Variants in SERAC1 observed in about 807,000 individuals in gnomAD.
SERAC1 encodes the protein protein SERAC1.
A neutral mutation model predicts 85.7 loss-of-function variants in SERAC1; 36 were observed. That is an observed-to-expected ratio of 0.42 (90% CI 0.32 to 0.55). SERAC1 has a LOEUF of 0.55. Ranked by LOEUF, SERAC1 falls within the 20% of genes least tolerant of loss-of-function variation. The probability of loss-of-function intolerance (pLI) is 0.11; values close to 1 mark genes in which losing one functional copy is unlikely to be tolerated. For missense variants in SERAC1, 629 were observed against 796.2 expected (o/e 0.79, Z 2.53); for synonymous variants, 242 against 265.3 (o/e 0.91, Z 0.85).
intron 12 of SERAC1, among the ~76,000 whole-genome samples, chr6:158,118,618 CAAA>C (rs576637812): frequency 2.0e-4 from 18 of 90,386 alleles, no homozygotes; most frequent in Admixed American, 6.7e-4. Flanking sequence ...ACCCTCATCT[CAAA>C]AAAAAAAAAA....
rs766189103 is a variant in SERAC1 at position 158,143,202 on chromosome 6, G to A, written c.610-18C>T. On this transcript the variant is annotated intron_variant, in intron 7 of 16. Transcript: ENST00000647468. ...GAAGAATCCTGAAATAAAAGGAAAG[G>A]AAATTCTTCATAAATACTCAACAAC... 2 of 1,601,660 alleles carry A rather than the reference G, an allele frequency of 1.2e-6. No homozygotes were observed. Among genetic ancestry groups the A allele is most frequent in the East Asian group, 4.5e-5 (2 of 44,318 alleles).
chr6:158,120,926 A>G lies in SERAC1; in HGVS notation c.1016-351T>C, dbSNP rs999060363. On this transcript the variant is annotated intron_variant, in intron 10 of 16. Coordinates refer to ENST00000647468, the MANE Select transcript of SERAC1 (RefSeq NM_032861.4). This position sits in a 1 kb window ranked among gnomAD's most constrained non-coding sequence, Gnocchi z 4.4. ...CCATGATGTTTTGCTTTTAACAAGA[A>G]TTATGAAACTCAGTGGGTTAATACT... is the stretch of plus-strand genomic sequence containing the variant. Among the ~76,000 whole-genome samples, 4 of 152,236 alleles carry G rather than the reference A, an allele frequency of 2.6e-5. No individual in the cohort carries two copies. The highest frequency in any genetic ancestry group is 9.6e-5 in the African/African-American group (4 of 41,458).
At chr6:158,113,803 AGGGTTTATCACATTACT>A (rs1239638971) in intron 15 of SERAC1, among the ~76,000 whole-genome samples, 1 of 152,160 alleles carries the variant, frequency 6.6e-6, no homozygotes, top group African/African-American at 2.4e-5. Context: ...GCAGCAGGAG[AGGGTTTATCACATTACT>A]GGGGGCAGGA....
At chr6:158,156,962 ATTAATATATTTATAT>A (rs1785365099) in intron 2 of SERAC1, among the ~76,000 whole-genome samples, 1 of 124,446 alleles carries the variant, frequency 8.0e-6, no homozygotes, top group Non-Finnish European at 1.8e-5. Context: ...TTATATAAAT[ATTAATATATTTATAT>A]ATAATAAATA....
chr6:158,130,449 T>A lies in SERAC1; in HGVS notation c.776A>T (p.Tyr259Phe). 6.2e-7 allele frequency: 1 copy of A among 1,604,370 alleles called. No individual in the cohort carries two copies. The change falls in exon 9 of 17, where the codon TAT becomes TTT. Residue 259 changes from tyrosine to phenylalanine, a missense_variant. Transcript: ENST00000647468. ...LWCFGGNGLPYAESFGEVPSA... is the reference protein window; with the variant it reads ...LWCFGGNGLPFAESFGEVPSA... ...AGGAACTTCTCCAAAACTTTCAGCATAAGGAAGTCCATTTCCTCCAAAACA... is the reference window on the plus strand; with the variant it reads ...AGGAACTTCTCCAAAACTTTCAGCAAAAGGAAGTCCATTTCCTCCAAAACA...
chr6:158,133,061 CTTT>C (rs1784713274), intron 8 of SERAC1, among the ~76,000 whole-genome samples: 1 of 152,124 alleles, frequency 6.6e-6, no homozygotes, highest in South Asian at 2.1e-4. Flanking sequence ...AATCCCAACA[CTTT>C]GGGAGGCTGA....
At chr6:158,162,548 GA>G (rs1426528531) in intron 1 of SERAC1, among the ~76,000 whole-genome samples, 1 of 151,972 alleles carries the variant, frequency 6.6e-6, no homozygotes, top group African/African-American at 2.4e-5. Context: ...TTACCACTTT[GA>G]CCCCCATTCA....
At chr6:158,143,875 G>C (rs1360866488) in intron 7 of SERAC1, among the ~76,000 whole-genome samples, 1 of 151,908 alleles carries the variant, frequency 6.6e-6, no homozygotes, top group Non-Finnish European at 1.5e-5. Flanking sequence ...ACAACTAGGG[G>C]GTGCTACTAG....
Position 158,117,836 on chromosome 6 carries a change from A to C in SERAC1, c.1309-15T>G. 1.9e-6 allele frequency: 3 copies of C among 1,597,648 alleles called. No homozygotes were observed. On this transcript the variant is annotated splice_polypyrimidine_tract_variant and intron_variant, in intron 12 of 16. Transcript: ENST00000647468. The surrounding 1 kb of genome is among the most constrained non-coding windows in gnomAD (Gnocchi z 4.3). ...GCTAACCATGTCTAAGTAAAATAAA[A>C]CATATGTGAGAACAAGTATGAATCT...
rs142977201 is a variant in SERAC1, at chr6:158,117,405, GAC to G, written c.1403+320_1403+321del. On this transcript the variant is annotated intron_variant, in intron 13 of 16. Coordinates refer to ENST00000647468, the MANE Select transcript of SERAC1 (RefSeq NM_032861.4). This position sits in a 1 kb window ranked among gnomAD's most constrained non-coding sequence, Gnocchi z 4.3. ...GCTTCCTTTAGCCAGTATGATTGTG[GAC>G]ACAAGAACAAAAAAACATCACTTTT... The G allele has an allele frequency of 4.0e-6, 4 of 998,100 alleles. No individual in the cohort carries two copies. Among genetic ancestry groups the G allele is most frequent in the Admixed American group, 2.9e-5 (1 of 34,176 alleles). 61.8% of individuals were successfully genotyped at this position (998,100 alleles called of 1,614,324 possible). A position where few individuals can be genotyped will look rare whatever the true frequency, so the allele number is the denominator to read the frequency against.
At chr6:158,147,768 C>CAAAAAAAAAAA (rs71027383) in intron 5 of SERAC1, among the ~76,000 whole-genome samples, 4 of 68,932 alleles carry the variant, frequency 5.8e-5, no homozygotes, top group African/African-American at 2.8e-4. Context: ...GGCTCTGTCT[C>CAAAAAAAAAAA]AAAAAAAAAA....
In SERAC1 at chr6:158,118,287, T is replaced by C. The variant is rs138574674; in HGVS notation, c.1309-466A>G. On this transcript the variant is annotated intron_variant, in intron 12 of 16. Coordinates refer to ENST00000647468, the MANE Select transcript of SERAC1 (RefSeq NM_032861.4). ...AGTGCCACCAGAAAGTGCAAATCAT[T>C]CTTCTACTTGATAAGCCTTTGTGAA... is the stretch of plus-strand genomic sequence containing the variant. Among the ~76,000 whole-genome samples, 591 of 152,304 alleles carry C rather than the reference T, an allele frequency of 3.9e-3. 6 individuals are homozygous for C. The highest frequency in any genetic ancestry group is 0.014 in the African/African-American group (566 of 41,566).
intron 2 of SERAC1, 82 bp from the exon 3 acceptor site, chr6:158,155,433 TATATC>T: frequency 2.7e-6 from 2 of 745,284 alleles, no homozygotes; most frequent in Middle Eastern, 2.8e-4. Context: ...AGTCTCTACC[TATATC>T]ATATATTATC....
chr6:158,113,920 C>T (rs1191094574), intron 15 of SERAC1, among the ~76,000 whole-genome samples: 1 of 152,120 alleles, frequency 6.6e-6, no homozygotes, highest in Non-Finnish European at 1.5e-5. Context: ...AGCCCAGCCT[C>T]CCACCAACAA....
Position 158,120,669 on chromosome 6 carries a change from G to C in SERAC1, c.1016-94C>G. ...TCAAACTGAATATGATGGGAGAAAG[G>C]CAAACCTTGCGTGTCTGTCCTTGGC... On this transcript the variant is annotated intron_variant, in intron 10 of 16. Coordinates refer to ENST00000647468, the MANE Select transcript of SERAC1 (RefSeq NM_032861.4). This position sits in a 1 kb window ranked among gnomAD's most constrained non-coding sequence, Gnocchi z 4.4. 7.4e-7 allele frequency: 1 copy of C among 1,345,526 alleles called. No homozygotes were observed. The allele number at this position is 1,345,526 out of a possible 1,614,324, so 83.3% of individuals were successfully genotyped here. A position where few individuals can be genotyped will look rare whatever the true frequency, so the allele number is the denominator to read the frequency against.
intron 15 of SERAC1, chr6:158,114,456 TTGA>T (rs1784226854): frequency 2.8e-6 from 3 of 1,085,690 alleles, no homozygotes; most frequent in Non-Finnish European, 2.2e-6. Flanking sequence ...ATTTTAACAG[TTGA>T]TGATTCTCCA....
intron 8 of SERAC1, among the ~76,000 whole-genome samples, chr6:158,136,783 A>C (rs827677): frequency 0.53 from 81,195 of 151,976 alleles, 22,076 homozygotes; most frequent in African/African-American, 0.63. Context: ...CTCTCCACCC[A>C]CCATGTCAGC....
At chr6:158,151,867 A>C (rs1190112003) in intron 3 of SERAC1, among the ~76,000 whole-genome samples, 1 of 151,166 alleles carries the variant, frequency 6.6e-6, no homozygotes, top group African/African-American at 2.5e-5. Flanking sequence ...ATTTAAGTTC[A>C]TAAGTTAAAA....
At chr6:158,131,146 C>T (rs149529863) in intron 8 of SERAC1, among the ~76,000 whole-genome samples, 3 of 151,652 alleles carry the variant, frequency 2.0e-5, no homozygotes, top group Non-Finnish European at 4.4e-5. Flanking sequence ...TATCACAGAT[C>T]AAGGGTTAAT....
Sources: gnomAD v4.1 joint callset for allele counts (sites outside exome capture counted in the v4.1 genomes callset) on GRCh38, gnomAD v4.1.1 for gene constraint, Gnocchi (gnomAD v3.1) non-coding constraint, MANE v1.5 for transcripts, NCBI Gene and HGNC (gene_info 2026-07-23, HGNC 2026-07-21) for gene names.